MDN1: variants seen among roughly 807,000 people sequenced by gnomAD.
MDN1 encodes the protein midasin AAA ATPase 1.
Under a neutral mutation model 669.2 loss-of-function variants are expected in MDN1, and 266 were observed. That is an observed-to-expected ratio of 0.40 (90% CI 0.36 to 0.44). The LOEUF is 0.44. Among genes scored for constraint, MDN1 ranks in the 20% least tolerant of loss-of-function variants. MDN1 has a pLI of 1.00. For synonymous variants in MDN1, 2,385 were observed against 2,457.1 expected (o/e 0.97, Z 0.87); for missense variants, 5,940 against 6,754.0 (o/e 0.88, Z 4.22).
chr6:89,685,074 C>G, intron 70 of MDN1, 89 bp from the exon 71 acceptor site: 2 of 765,464 alleles, frequency 2.6e-6, no homozygotes, highest in Non-Finnish European at 4.3e-6. Flanking sequence ...AGTGATGACC[C>G]TTCCTCATTA....
intron 2 of MDN1, among the ~76,000 whole-genome samples, chr6:89,802,387 T>A (rs773383849): frequency 6.6e-6 from 1 of 152,144 alleles, no homozygotes; most frequent in Non-Finnish European, 1.5e-5. Flanking sequence ...ACACTGGATA[T>A]AAGAAATGTT....
At chr6:89,778,887 AAAATAAATAAATAAAT>A (rs548314772) in intron 11 of MDN1, among the ~76,000 whole-genome samples, 188 of 130,340 alleles carry the variant, frequency 1.4e-3, no homozygotes, top group African/African-American at 5.1e-3. Flanking sequence ...CTATGTCTCA[AAAATAAATAAATAAAT>A]AAATAAATAA....
rs375471963 is a variant in MDN1, at chr6:89,675,466, G to C, written c.12759C>G (p.Leu4253=). 3 of 1,612,582 alleles carry C rather than the reference G, an allele frequency of 1.9e-6. No homozygotes were observed. Among genetic ancestry groups the C allele is most frequent in the African/African-American group, 2.7e-5 (2 of 74,908 alleles). Reference sequence around the variant, plus strand: ...AAGCCCAACTCATCAGCTGATACCTGAGGATGATCCACTGCTCACTGAGCG... The same window carrying C: ...AAGCCCAACTCATCAGCTGATACCTCAGGATGATCCACTGCTCACTGAGCG... The part of the protein sequence containing the change: ...LTTLSEQWII[L]RNLLSCVQEI... Residue 4253 remains leucine (L), a splice_region_variant and synonymous_variant, in exon 78 of 102, where the codon CTC becomes CTG. Transcript: ENST00000369393.
At chr6:89,681,704 CTATTATGAGTTTT>C (rs1811624028) in intron 73 of MDN1, among the ~76,000 whole-genome samples, 1 of 152,134 alleles carries the variant, frequency 6.6e-6, no homozygotes, top group Admixed American at 6.5e-5. Flanking sequence ...TGCTCAGTTT[CTATTATGAGTTTT>C]GAACCACTAA....
rs569899094 is a variant in MDN1 at position 89,723,559 on chromosome 6, C to A, written c.5731G>T (p.Ala1911Ser). ...TTCTTAACAATATTTTTCTCAATGG[C>A]TGGAAACAAAGTACTGGCAATGAAC... Reference protein sequence around the residue: ...MEFIASTLFPAIEKNIVKKMV... With the variant: ...MEFIASTLFPSIEKNIVKKMV... Residue 1911 changes from alanine (A) to serine (S), a missense_variant, in exon 39 of 102, where the codon GCC becomes TCC. Coordinates refer to ENST00000369393, the MANE Select transcript of MDN1 (RefSeq NM_014611.3). 4.8e-5 allele frequency: 77 copies of A among 1,604,682 alleles called. 2 individuals are homozygous for A. The South Asian group carries it at 8.2e-4, about 17-fold the overall frequency.
chr6:89,719,311 A>G, intron 40 of MDN1, 86 bp from the exon 41 acceptor site: 1 of 1,076,390 alleles, frequency 9.3e-7, no homozygotes, highest in Non-Finnish European at 1.4e-6. Flanking sequence ...CACAGTGATA[A>G]GAGTCACTAT....
intron 12 of MDN1, among the ~76,000 whole-genome samples, chr6:89,776,056 C>G (rs1298473361): frequency 3.3e-4 from 50 of 152,254 alleles, no homozygotes; most frequent in Admixed American, 3.3e-3. Context: ...AAGTTATAGA[C>G]AAAGGTATTA....
intron 76 of MDN1, among the ~76,000 whole-genome samples, chr6:89,676,949 C>T (rs1422579550): frequency 1.4e-5 from 2 of 146,004 alleles, no homozygotes; most frequent in African/African-American, 5.1e-5. Context: ...TAAAAATATA[C>T]CATTTTCTAA....
chr6:89,691,671 G>C (rs538503688), intron 63 of MDN1, among the ~76,000 whole-genome samples: 1 of 152,184 alleles, frequency 6.6e-6, no homozygotes, highest in Non-Finnish European at 1.5e-5. Context: ...ATATGAAGCA[G>C]GTGAAGAATA....
chr6:89,677,410 A>G (rs1811269242), intron 76 of MDN1, among the ~76,000 whole-genome samples, 160 bp downstream of exon 76: 1 of 152,166 alleles, frequency 6.6e-6, no homozygotes, highest in African/African-American at 2.4e-5. Context: ...TTTCATTTGA[A>G]TGTCCATCAG....
chr6:89,646,582 T>C lies in MDN1; in HGVS notation c.16417A>G (p.Met5473Val), dbSNP rs1808504403. 2.5e-6 allele frequency: 4 copies of C among 1,614,088 alleles called. No homozygotes were observed. The highest frequency in any genetic ancestry group is 3.4e-6 in the Non-Finnish European group (4 of 1,179,988). ...IAQFLESVAN[M>V]FAAAQQLSQN... ...GAGAGCTGCTGAGCAGCTGCAAACA[T>C]GTTGGCAACAGACTCTAGAAACTAA... The change falls in exon 100 of 102, where the codon ATG (methionine) becomes GTG (valine). Residue 5473 changes from methionine (M) to valine (V), a missense_variant. Met to Val is a conservative substitution (Grantham distance 21, BLOSUM62 1). Around this residue, in one of 5 missense-constraint regions of MDN1, gnomAD observed 2,280 missense variants for 2,576.3 expected, o/e 0.88. Transcript: ENST00000369393.
At position 89,646,674 on chromosome 6, in the gene MDN1, A is replaced by G; in HGVS notation, c.16396-71T>C. 3 of 1,330,094 alleles carry G rather than the reference A, an allele frequency of 2.3e-6. 1 individual carries two copies. In the South Asian group the frequency reaches 3.6e-5, roughly 16 times the overall value. 82.4% of individuals were successfully genotyped at this position (1,330,094 alleles called of 1,614,324 possible). A position where few individuals can be genotyped will look rare whatever the true frequency, so the allele number is the denominator to read the frequency against. ...TCTTCTCATTGTCAAAGAGACTGAT[A>G]GTATTTCTGACATTGAAGTGATTAT... On this transcript the variant is annotated intron_variant, in intron 99 of 101. Coordinates refer to ENST00000369393, the MANE Select transcript of MDN1 (RefSeq NM_014611.3).
rs1584193583 is a variant in MDN1 at position 89,688,805 on chromosome 6, A to G, written c.11027T>C (p.Val3676Ala). 1 of 1,613,154 alleles carries G rather than the reference A, an allele frequency of 6.2e-7. No individual in the cohort carries two copies. The highest frequency in any genetic ancestry group is 8.5e-7 in the Non-Finnish European group (1 of 1,179,270). ...GCCCAAGAGTCGGTCATTCAGTTCA[A>G]CTCCTGTGAAGTTAACATCACGGTA... Reference protein sequence around the residue: ...LVTHFYPLMGVELNDRLLGSQ... With the variant: ...LVTHFYPLMGAELNDRLLGSQ... Residue 3676 changes from valine (V) to alanine (A), a missense_variant, in exon 66 of 102, where the codon GTT becomes GCT. This residue lies in a region of MDN1 where 2,280 missense variants were observed against 2,576.3 expected (regional missense o/e 0.88). Transcript: ENST00000369393.
chr6:89,670,999 T>C lies in MDN1; in HGVS notation c.13876A>G (p.Thr4626Ala). Residue 4626 changes from threonine (T) to alanine (A), a missense_variant, in exon 83 of 102, where the codon ACC becomes GCC. By Grantham distance (58) the Thr-to-Ala change is moderately conservative. Around this residue, in one of 5 missense-constraint regions of MDN1, gnomAD observed 2,280 missense variants for 2,576.3 expected, o/e 0.88. Transcript: ENST00000369393. ...SYSDLVLFFLTMSLATHRSTA... is the reference protein window; with the variant it reads ...SYSDLVLFFLAMSLATHRSTA... ...CTACGGTGAGTTGCTAAAGACATGG[T>C]CAGGAAGAAGAGGACGAGGTCTGAG... 1 of 1,613,996 alleles carries C rather than the reference T, an allele frequency of 6.2e-7. No individual in the cohort carries two copies. Among genetic ancestry groups the C allele is most frequent in the African/African-American group, 1.3e-5 (1 of 74,980 alleles).
intron 50 of MDN1, 22 bp downstream of exon 50, chr6:89,710,659 G>A: frequency 7.2e-7 from 1 of 1,382,676 alleles, no homozygotes; most frequent in Non-Finnish European, 9.9e-7. Flanking sequence ...AGTGCTGAGA[G>A]CTAGAAATCA....
rs375297549 is a variant in MDN1 at position 89,772,682 on chromosome 6, A to G, written c.1974T>C (p.Val658=). ...FTFAATRPSS[V]LIEQLAVCVS... ...CACACACTGCAAGCTGCTCGATGAG[A>G]ACAGAGGACGGCCGTGTAGCAGCGA... is the stretch of plus-strand genomic sequence containing the variant. Residue 658 remains valine (V), a synonymous_variant, in exon 14 of 102, where the codon GTT becomes GTC. Coordinates refer to ENST00000369393, the MANE Select transcript of MDN1 (RefSeq NM_014611.3). 9.3e-6 allele frequency: 15 copies of G among 1,614,042 alleles called. No individual in the cohort carries two copies. The highest frequency in any genetic ancestry group is 8.3e-5 in the Admixed American group (5 of 60,010).
chr6:89,691,578 T>C (rs1254936915), intron 63 of MDN1, among the ~76,000 whole-genome samples: 3 of 152,166 alleles, frequency 2.0e-5, no homozygotes, highest in Non-Finnish European at 2.9e-5. Flanking sequence ...TAAAAGTATA[T>C]ACAAATGTAA....
Position 89,695,525 on chromosome 6 carries a change from G to T in MDN1, c.9771+80C>A. 1 of 1,493,396 alleles carries T rather than the reference G, an allele frequency of 6.7e-7. No homozygotes were observed. The allele number at this position is 1,493,396 out of a possible 1,614,324, so 92.5% of individuals were successfully genotyped here. A position where few individuals can be genotyped will look rare whatever the true frequency, so the allele number is the denominator to read the frequency against. On this transcript the variant is annotated intron_variant, in intron 61 of 101. Coordinates refer to ENST00000369393, the MANE Select transcript of MDN1 (RefSeq NM_014611.3). This position sits in a 1 kb window ranked among gnomAD's most constrained non-coding sequence, Gnocchi z 4.1. Reference sequence around the variant, plus strand: ...CTTGTGATGATCTGAGCACCCAAAAGGGAATAAAAGGAGTAATACAATAAG... The same window carrying T: ...CTTGTGATGATCTGAGCACCCAAAATGGAATAAAAGGAGTAATACAATAAG...
intron 100 of MDN1, among the ~76,000 whole-genome samples, chr6:89,645,364 A>G (rs1188426233): frequency 6.6e-6 from 1 of 152,248 alleles, no homozygotes; most frequent in African/African-American, 2.4e-5. Context: ...GAGACAAGGC[A>G]TAATAAGGGA....
Sources: gnomAD v4.1 joint callset for allele counts (sites outside exome capture counted in the v4.1 genomes callset) on GRCh38, gnomAD v4.1.1 for gene constraint, gnomAD v4.1.1 regional missense constraint, Gnocchi (gnomAD v3.1) non-coding constraint, MANE v1.5 for transcripts, NCBI Gene and HGNC (gene_info 2026-07-23, HGNC 2026-07-21) for gene names.